COG5: variants seen among roughly 807,000 people sequenced by gnomAD.
COG5 encodes the protein conserved oligomeric Golgi complex subunit 5.
COG5 carries 86 observed loss-of-function variants against 110.4 expected under a neutral mutation model. The ratio of observed to expected loss-of-function variants is 0.78; its 90% CI spans 0.65 to 0.93. The LOEUF (loss-of-function observed/expected upper bound fraction) is 0.93. COG5 is among the 40% of genes least tolerant of loss of function. COG5 has a pLI of 0.00. For missense variants in COG5, 1,077 were observed against 987.0 expected, an observed-to-expected ratio of 1.09 and a Z score of -1.22; for synonymous variants, 360 against 334.6, an observed-to-expected ratio of 1.08 and a Z score of -0.83.
intron 6 of COG5, among the ~76,000 whole-genome samples, chr7:107,420,644 A>G (rs1188696334): frequency 1.3e-5 from 2 of 152,022 alleles, no homozygotes; most frequent in Non-Finnish European, 2.9e-5. Context: ...TGTATTTTTA[A>G]TAGATATGGG....
intron 6 of COG5, among the ~76,000 whole-genome samples, chr7:107,503,927 T>C (rs1052481748): frequency 6.7e-6 from 1 of 150,064 alleles, no homozygotes; most frequent in African/African-American, 2.5e-5. Flanking sequence ...TACAATCACA[T>C]CATCAGTGAA....
intron 12 of COG5, among the ~76,000 whole-genome samples, 199 bp from the exon 13 acceptor site, chr7:107,283,931 C>CTTTTTTTTTTTT (rs71522833): frequency 2.1e-5 from 3 of 142,632 alleles, no homozygotes; most frequent in Admixed American, 1.4e-4. Flanking sequence ...CCATAGTAAC[C>CTTTTTTTTTTTT]TTTTTTTTTT....
intron 6 of COG5, among the ~76,000 whole-genome samples, chr7:107,457,817 A>G (rs1795759634): frequency 6.6e-6 from 1 of 152,212 alleles, no homozygotes. Flanking sequence ...ATTTTTTCAA[A>G]TTTGATGAAA....
intron 10 of COG5, among the ~76,000 whole-genome samples, chr7:107,340,367 C>T (rs904859213): frequency 1.3e-5 from 2 of 152,026 alleles, no homozygotes; most frequent in Non-Finnish European, 2.9e-5. Flanking sequence ...AGTTTTGTAA[C>T]TGAATCAATA....
chr7:107,533,711 G>T (rs890234948), intron 5 of COG5, among the ~76,000 whole-genome samples: 1 of 151,550 alleles, frequency 6.6e-6, no homozygotes, highest in Admixed American at 6.6e-5. Context: ...GAAAGCGATG[G>T]GGAGAATGGA....
intron 12 of COG5, among the ~76,000 whole-genome samples, chr7:107,297,442 C>CATTTT (rs1806847100): frequency 1.0e-5 from 1 of 99,642 alleles, no homozygotes; most frequent in Non-Finnish European, 2.1e-5. Flanking sequence ...GTACATTCTG[C>CATTTT]CTTTTTTTTT....
rs1283848116 is a variant in COG5, at chr7:107,340,987, C to A, written c.1027-16466G>T. 2.0e-5 allele frequency among the ~76,000 whole-genome samples: 3 copies of A among 152,106 alleles called. No individual in the cohort carries two copies. The East Asian group carries it at 5.8e-4, about 29-fold the overall frequency. The stretch of plus-strand genomic sequence containing the variant: ...CAGGAACAAGACAAGGATGCCCACT[C>A]TCACAACTCCTATTCAATATAGTAG... On this transcript the variant is annotated intron_variant, in intron 10 of 21. Transcript: ENST00000297135.
chr7:107,264,009 T>A (rs901835904), intron 14 of COG5, among the ~76,000 whole-genome samples: 1 of 152,216 alleles, frequency 6.6e-6, no homozygotes, highest in African/African-American at 2.4e-5. Context: ...AGTTATAAAG[T>A]TGATGGCTCC....
At chr7:107,241,575 C>T (rs973251483) in intron 17 of COG5, among the ~76,000 whole-genome samples, 29 of 151,696 alleles carry the variant, frequency 1.9e-4, no homozygotes, top group South Asian at 1.5e-3. Flanking sequence ...CCTCAGCCTC[C>T]GGAGTAGCTG....
At chr7:107,487,757 T>C (rs1797734140) in intron 6 of COG5, among the ~76,000 whole-genome samples, 1 of 151,930 alleles carries the variant, frequency 6.6e-6, no homozygotes, top group Non-Finnish European at 1.5e-5. Context: ...TAATTAACAA[T>C]AGATTATTAC....
At chr7:107,415,920 G>A (rs113725698) in intron 6 of COG5, among the ~76,000 whole-genome samples, 1,010 of 71,322 alleles carry the variant, frequency 0.014, 329 homozygotes, top group Non-Finnish European at 0.021. Context: ...GTATGTGTGT[G>A]TATATACACA....
intron 14 of COG5, among the ~76,000 whole-genome samples, chr7:107,271,773 T>C (rs6955968): frequency 0.019 from 2,864 of 152,182 alleles, 88 homozygotes; most frequent in African/African-American, 0.064. Flanking sequence ...TTCTTACTAT[T>C]TATTATGGGT....
chr7:107,526,817 G>A (rs1800790281), intron 6 of COG5, among the ~76,000 whole-genome samples: 1 of 152,134 alleles, frequency 6.6e-6, no homozygotes, highest in South Asian at 2.1e-4. Flanking sequence ...TTCCATTTAT[G>A]TGTCATTCTC....
rs78947036 is a variant in COG5, at chr7:107,469,252, C to T, written c.539-56620G>A. 4.5e-3 allele frequency among the ~76,000 whole-genome samples: 675 copies of T among 151,396 alleles called. 8 individuals are homozygous for T. The highest frequency in any genetic ancestry group is 0.016 in the African/African-American group (656 of 41,312). On this transcript the variant is annotated intron_variant, in intron 6 of 21. Coordinates refer to ENST00000297135, the MANE Select transcript of COG5 (RefSeq NM_006348.5). Reference sequence around the variant, plus strand: ...AACAGCAATCTACTAAGAAATGTGCCCAGGTCAAAAATAGAATAAGCCAAT... The same window carrying T: ...AACAGCAATCTACTAAGAAATGTGCTCAGGTCAAAAATAGAATAAGCCAAT...
At position 107,248,512 on chromosome 7, in the gene COG5, AAG is replaced by A; in HGVS notation, c.1750-15_1750-14del. On this transcript the variant is annotated splice_polypyrimidine_tract_variant and intron_variant, in intron 16 of 21. Coordinates refer to ENST00000297135, the MANE Select transcript of COG5 (RefSeq NM_006348.5). ...GAGCATGAATAGCCTAAAAAAAAAA[AAG>A]AAAGAAAAAAAAGAAGAGGCAAGAT... 2 of 1,555,856 alleles carry A rather than the reference AAG, an allele frequency of 1.3e-6. No homozygotes were observed. The highest frequency in any genetic ancestry group is 1.8e-6 in the Non-Finnish European group (2 of 1,134,662).
intron 12 of COG5, among the ~76,000 whole-genome samples, chr7:107,296,702 T>C (rs1806780977): frequency 6.6e-6 from 1 of 151,764 alleles, no homozygotes; most frequent in African/African-American, 2.4e-5. Context: ...TGTGTCACAC[T>C]GCCCAGCACG....
intron 7 of COG5, among the ~76,000 whole-genome samples, chr7:107,401,112 A>G (rs1368250645): frequency 6.6e-6 from 1 of 152,110 alleles, no homozygotes; most frequent in East Asian, 1.9e-4. Flanking sequence ...TTAAAAATAT[A>G]AAAATAATTC....
chr7:107,482,087 ACT>A (rs1797386354), intron 6 of COG5, among the ~76,000 whole-genome samples: 1 of 151,076 alleles, frequency 6.6e-6, no homozygotes, highest in African/African-American at 2.4e-5. Flanking sequence ...CCCATCTCTG[ACT>A]CTCTGACTTA....
At chr7:107,362,497 A>G (rs918758157) in intron 8 of COG5, 77 bp from the exon 9 acceptor site, 7 of 874,082 alleles carry the variant, frequency 8.0e-6, no homozygotes, top group Non-Finnish European at 1.3e-5. Context: ...TATTATAAAA[A>G]CCATACGCAA....
Sources: gnomAD v4.1 joint callset for allele counts (sites outside exome capture counted in the v4.1 genomes callset) on GRCh38, gnomAD v4.1.1 for gene constraint, MANE v1.5 for transcripts, NCBI Gene and HGNC (gene_info 2026-07-23, HGNC 2026-07-21) for gene names.